ZFHX3: variants seen among roughly 807,000 people sequenced by gnomAD.
ZFHX3 encodes the protein zinc finger homeobox 3.
ZFHX3 carries 42 observed loss-of-function variants against 279.1 expected under a neutral mutation model. The ratio of observed to expected loss-of-function variants is 0.15; its 90% confidence interval spans 0.12 to 0.19. The LOEUF is 0.19. ZFHX3 is among the 10% of genes least tolerant of loss of function. ZFHX3 has a pLI of 1.00. For synonymous variants in ZFHX3, 2,293 were observed against 1,957.8 expected (o/e 1.17, Z -4.52); for missense variants, 4,981 against 4,754.0 (o/e 1.05, Z -1.40).
chr16:73,471,505 T>C (rs2018666845), intron 2 of ZFHX3, among the ~76,000 whole-genome samples: 1 of 152,058 alleles, frequency 6.6e-6, no homozygotes, highest in African/African-American at 2.4e-5. Flanking sequence ...ACCTCCCAGG[T>C]TCAAGTGATT....
intron 8 of ZFHX3, among the ~76,000 whole-genome samples, chr16:73,088,674 G>T (rs1966038305): frequency 6.6e-6 from 1 of 152,160 alleles, no homozygotes; most frequent in Admixed American, 6.5e-5. Context: ...TGAGGGCATG[G>T]ATCCAGGTAA....
rs114633394 is a variant in ZFHX3, at chr16:73,728,193, G to A, written c.-1607-47953C>T. On this transcript the variant is annotated intron_variant, in intron 1 of 17. Transcript: ENST00000641206. ...TAAGAAAAGGAGATTTGGATTTCTCGAGAGAGAGAGAGAAGACAGGCCAGG... is the reference window on the plus strand; with the variant it reads ...TAAGAAAAGGAGATTTGGATTTCTCAAGAGAGAGAGAGAAGACAGGCCAGG... 7.2e-3 allele frequency among the ~76,000 whole-genome samples: 1,099 copies of A among 151,606 alleles called. 22 individuals are homozygous for A. The highest frequency in any genetic ancestry group is 0.045 in the East Asian group (231 of 5,148).
chr16:73,600,564 C>T (rs1042098137), intron 2 of ZFHX3, among the ~76,000 whole-genome samples: 9 of 151,874 alleles, frequency 5.9e-5, no homozygotes, highest in Non-Finnish European at 1.2e-4. Flanking sequence ...ACTACAGGCG[C>T]CCGCCACCAC....
intron 1 of ZFHX3, among the ~76,000 whole-genome samples, chr16:73,687,411 G>A (rs1004137017): frequency 1.3e-5 from 2 of 151,412 alleles, no homozygotes; most frequent in Non-Finnish European, 2.9e-5. Flanking sequence ...CAAACGATGG[G>A]TCATTTATTA....
intron 1 of ZFHX3, among the ~76,000 whole-genome samples, chr16:73,025,691 A>C (rs1964473389): frequency 6.6e-6 from 1 of 152,156 alleles, no homozygotes; most frequent in African/African-American, 2.4e-5. Flanking sequence ...TGAACATCCC[A>C]GCCAGAGTAT....
At chr16:73,139,412 T>C (rs1234825571) in intron 6 of ZFHX3, among the ~76,000 whole-genome samples, 1 of 152,246 alleles carries the variant, frequency 6.6e-6, no homozygotes, top group Non-Finnish European at 1.5e-5. Flanking sequence ...TTCTGGGTGG[T>C]GGAATTTTTG....
intron 2 of ZFHX3, chr16:73,499,807 G>T (rs1360869211): frequency 6.6e-6 from 1 of 152,108 alleles, no homozygotes; most frequent in African/African-American, 2.4e-5. Flanking sequence ...TCAAGGAGGG[G>T]CTGCATACAC....
At chr16:72,847,887 G>A (rs2143820834) in intron 4 of ZFHX3, among the ~76,000 whole-genome samples, 2 of 152,174 alleles carry the variant, frequency 1.3e-5, no homozygotes, top group East Asian at 3.9e-4. Context: ...TCTGAAGCCC[G>A]AGGGGGAGGA....
chr16:72,797,565 T>C lies in ZFHX3; in HGVS notation c.5117A>G (p.Glu1706Gly), dbSNP rs1337521637. The change falls in exon 9 of 10, where the codon GAG becomes GGG. Residue 1706 changes from glutamate (E) to glycine (G), a missense_variant. Glu to Gly is a moderately conservative substitution (Grantham distance 98). Transcript: ENST00000268489. ...TTTCTTCCGATTGGCCTCTTTGGGC[T>C]CTGAAGGGGAAGCAATGTTGGCACC... Reference protein sequence around the residue: ...PIGANIASPSEPKEANRKKLA... With the variant: ...PIGANIASPSGPKEANRKKLA... 2 of 1,614,126 alleles carry C rather than the reference T, an allele frequency of 1.2e-6. No homozygotes were observed. Among genetic ancestry groups the C allele is most frequent in the Non-Finnish European group, 8.5e-7 (1 of 1,180,026 alleles).
intron 1 of ZFHX3, among the ~76,000 whole-genome samples, chr16:72,972,502 C>T (rs906622860): frequency 3.9e-5 from 6 of 152,104 alleles, no homozygotes. Flanking sequence ...CTGCATCAAT[C>T]ATTTTCAAGC....
intron 2 of ZFHX3, among the ~76,000 whole-genome samples, chr16:73,565,076 A>G (rs1376136005): frequency 1.3e-5 from 2 of 152,160 alleles, no homozygotes; most frequent in African/African-American, 4.8e-5. Context: ...AACATGGTGA[A>G]ACCCCATCTC....
chr16:73,045,050 C>G (rs1279216078), intron 1 of ZFHX3, among the ~76,000 whole-genome samples: 1 of 152,200 alleles, frequency 6.6e-6, no homozygotes, highest in East Asian at 1.9e-4. Context: ...TGTTACAACT[C>G]TGCAATAAAA....
At chr16:73,187,528 T>C (rs1483571596) in intron 5 of ZFHX3, among the ~76,000 whole-genome samples, 1 of 152,190 alleles carries the variant, frequency 6.6e-6, no homozygotes, top group African/African-American at 2.4e-5. Flanking sequence ...AGGAGTGTGG[T>C]GAGACTCCTG....
At chr16:73,206,369 T>C (rs895012754) in intron 5 of ZFHX3, among the ~76,000 whole-genome samples, 14 of 152,168 alleles carry the variant, frequency 9.2e-5, no homozygotes, top group Admixed American at 7.9e-4. Context: ...TGGGAGATAG[T>C]TAATGAAGAG....
intron 3 of ZFHX3, among the ~76,000 whole-genome samples, chr16:73,349,984 C>T (rs1257935270): frequency 1.3e-5 from 2 of 150,306 alleles, no homozygotes; most frequent in African/African-American, 2.5e-5. Flanking sequence ...ATACCCATGG[C>T]TTTTGCCTTT....
intron 2 of ZFHX3, among the ~76,000 whole-genome samples, chr16:73,671,222 G>A (rs1180388984): frequency 6.6e-6 from 1 of 152,212 alleles, no homozygotes; most frequent in Admixed American, 6.5e-5. Context: ...TTATTGACCA[G>A]GATTAACCAC....
chr16:73,493,745 A>T (rs577226251), intron 2 of ZFHX3, among the ~76,000 whole-genome samples: 13 of 152,116 alleles, frequency 8.5e-5, no homozygotes, highest in Non-Finnish European at 8.8e-5. Context: ...ACTCAAAAAA[A>T]CCATTGTTCC....
At chr16:73,130,254 G>GAA (rs532646778) in intron 7 of ZFHX3, among the ~76,000 whole-genome samples, 14 of 145,728 alleles carry the variant, frequency 9.6e-5, no homozygotes, top group African/African-American at 2.7e-4. Flanking sequence ...TTGGTGGAGG[G>GAA]AAAAAAAAAA....
Position 73,624,375 on chromosome 16 carries a change from A to G in ZFHX3, c.-1547+55805T>C, listed in dbSNP as rs952675158. On this transcript the variant is annotated intron_variant, in intron 2 of 17. Coordinates refer to the ZFHX3 transcript ENST00000641206. ...TTGCCGTTATCGTGAGTTTAATATG[A>G]AAAAAGACCTGCCGTGTGCTAAGGC... 5.9e-5 allele frequency among the ~76,000 whole-genome samples: 9 copies of G among 152,132 alleles called. 1 individual carries two copies. Among genetic ancestry groups the G allele is most frequent in the Admixed American group, 5.9e-4 (9 of 15,272 alleles).
Sources: gnomAD v4.1 joint callset for allele counts (sites outside exome capture counted in the v4.1 genomes callset) on GRCh38, gnomAD v4.1.1 for gene constraint, MANE v1.5 for transcripts, NCBI Gene and HGNC (gene_info 2026-07-23, HGNC 2026-07-21) for gene names.